DNM3: variants seen among roughly 807,000 people sequenced by gnomAD.
The protein encoded by DNM3 is dynamin 3.
In DNM3, 47 loss-of-function variants were observed where a neutral mutation model predicts 101.6. That is an observed-to-expected ratio of 0.46 (90% CI 0.37 to 0.59). The LOEUF (loss-of-function observed/expected upper bound fraction) is 0.59, where lower values mean the gene tolerates loss of function less well. Among genes scored for constraint, DNM3 ranks in the 20% least tolerant of loss-of-function variants. DNM3 has a pLI of 0.00. For synonymous variants in DNM3, 385 were observed against 387.9 expected (o/e 0.99, Z 0.09); for missense variants, 849 against 1,085.7 (o/e 0.78, Z 3.06).
intron 14 of DNM3, among the ~76,000 whole-genome samples, chr1:172,244,490 A>T (rs2061872824): frequency 1.3e-5 from 2 of 151,280 alleles, no homozygotes. Flanking sequence ...TCTACAATGA[A>T]CTCAAACAAA....
intron 12 of DNM3, among the ~76,000 whole-genome samples, chr1:172,091,905 T>G (rs1044855544): frequency 6.6e-6 from 1 of 152,034 alleles, no homozygotes; most frequent in African/African-American, 2.4e-5. Flanking sequence ...GTGGGACCAA[T>G]GGAAGTGATG....
intron 14 of DNM3, among the ~76,000 whole-genome samples, chr1:172,195,082 G>A (rs1479483838): frequency 6.6e-6 from 1 of 151,992 alleles, no homozygotes; most frequent in Non-Finnish European, 1.5e-5. Context: ...CTGAGCATTT[G>A]TTTGTCTGTA....
chr1:171,926,567 A>G lies in DNM3; in HGVS notation c.235+4746A>G, dbSNP rs187796267. On this transcript the variant is annotated intron_variant, in intron 2 of 20. Transcript: ENST00000627582. The stretch of plus-strand genomic sequence containing the variant: ...ATTTTGGGACTCTCAGTTCTTTTCG[A>G]CTGATATTTATGTCTATCCTTGGGC... Among the ~76,000 whole-genome samples, 326 of 152,222 alleles carry G rather than the reference A, an allele frequency of 2.1e-3. 2 individuals are homozygous for G. Among genetic ancestry groups the G allele is most frequent in the East Asian group, 4.8e-3 (25 of 5,176 alleles).
intron 11 of DNM3, among the ~76,000 whole-genome samples, chr1:172,076,304 T>C (rs993293824): frequency 7.9e-5 from 12 of 152,324 alleles, no homozygotes; most frequent in East Asian, 1.9e-4. Flanking sequence ...GAATATCCTT[T>C]ATTTCTTTCT....
At chr1:172,100,645 T>A (rs2054572195) in intron 13 of DNM3, among the ~76,000 whole-genome samples, 1 of 152,116 alleles carries the variant, frequency 6.6e-6, no homozygotes, top group African/African-American at 2.4e-5. Flanking sequence ...CAGTTAGGAT[T>A]TTTTCAGATG....
chr1:172,300,335 G>A (rs2064381548), intron 15 of DNM3, among the ~76,000 whole-genome samples: 1 of 152,034 alleles, frequency 6.6e-6, no homozygotes, highest in Non-Finnish European at 1.5e-5. Flanking sequence ...CGTTCTGTAG[G>A]TTGTCTGTTT....
intron 14 of DNM3, among the ~76,000 whole-genome samples, chr1:172,149,437 C>G (rs924537258): frequency 2.6e-5 from 4 of 152,256 alleles, no homozygotes; most frequent in African/African-American, 9.6e-5. Flanking sequence ...ATTGGAAGCA[C>G]TGTCTTGAAA....
At chr1:172,239,412 A>G (rs2061660729) in intron 14 of DNM3, among the ~76,000 whole-genome samples, 1 of 152,202 alleles carries the variant, frequency 6.6e-6, no homozygotes, top group Non-Finnish European at 1.5e-5. Flanking sequence ...GTCCCTGAAT[A>G]CACGGTCATC....
chr1:172,285,519 CA>C (rs2063664585), intron 15 of DNM3, among the ~76,000 whole-genome samples: 1 of 152,166 alleles, frequency 6.6e-6, no homozygotes, highest in Non-Finnish European at 1.5e-5. Context: ...ACCCTATCCG[CA>C]AAGGCCCAAA....
At chr1:171,923,950 C>T (rs1185024775) in intron 2 of DNM3, among the ~76,000 whole-genome samples, 2 of 152,034 alleles carry the variant, frequency 1.3e-5, no homozygotes, top group Admixed American at 1.3e-4. Flanking sequence ...TTTCCTATTT[C>T]TGTTATTTCT....
At chr1:172,318,775 G>A (rs57672185) in intron 16 of DNM3, among the ~76,000 whole-genome samples, 11,144 of 152,132 alleles carry the variant, frequency 0.073, 471 homozygotes, top group African/African-American at 0.1. Context: ...ATGCTCATGG[G>A]TGGGAAGAAT....
rs1184143326 is a variant in DNM3 at position 171,841,511 on chromosome 1, G to C, written c.-146G>C. 6.0e-6 allele frequency: 7 copies of C among 1,163,166 alleles called. No individual in the cohort carries two copies. The highest frequency in any genetic ancestry group is 8.0e-6 in the Non-Finnish European group (7 of 870,020). 72.1% of individuals were successfully genotyped at this position (1,163,166 alleles called of 1,614,324 possible). A position where few individuals can be genotyped will look rare whatever the true frequency, so the allele number is the denominator to read the frequency against. On this transcript the variant is annotated 5_prime_UTR_variant, in exon 1 of 21. Coordinates refer to ENST00000627582, the MANE Select transcript of DNM3 (RefSeq NM_015569.5). ...TCGTTAGCTGTCAGAGCCAAGCGGC[G>C]GGCTGGCGGCGGGCTCCGACGTCTG...
At position 172,322,856 on chromosome 1, in the gene DNM3, G is replaced by C. The variant is rs574177058; in HGVS notation, c.1882-473G>C. ...TTTTTCCACCTTCTTTGAAACCAAG[G>C]ATGCAGTGTTTGTTTAAAAATGCAC... On this transcript the variant is annotated intron_variant, in intron 16 of 20. Transcript: ENST00000627582. Among the ~76,000 whole-genome samples, 3 of 151,354 alleles carry C rather than the reference G, an allele frequency of 2.0e-5. No homozygotes were observed. The South Asian group carries it at 6.3e-4, about 32-fold the overall frequency.
At chr1:171,880,150 T>C (rs909942202) in intron 1 of DNM3, among the ~76,000 whole-genome samples, 1 of 152,252 alleles carries the variant, frequency 6.6e-6, no homozygotes, top group Admixed American at 6.5e-5. Context: ...ACAGATGCTT[T>C]TGTGTTATTT....
chr1:172,113,371 A>G lies in DNM3; in HGVS notation c.1546-17804A>G, dbSNP rs112561745. 9.9e-3 allele frequency among the ~76,000 whole-genome samples: 1,507 copies of G among 151,978 alleles called. 29 individuals carry two copies. The highest frequency in any genetic ancestry group is 0.034 in the African/African-American group (1,424 of 41,346). On this transcript the variant is annotated intron_variant, in intron 13 of 20. Coordinates refer to ENST00000627582, the MANE Select transcript of DNM3 (RefSeq NM_015569.5). Reference sequence around the variant, plus strand: ...TCTGCCACTCCCCCACTTTTTTACAATTGAGGAACAGATGTACTCAAAGAA... The same window carrying G: ...TCTGCCACTCCCCCACTTTTTTACAGTTGAGGAACAGATGTACTCAAAGAA...
rs149174357 is a variant in DNM3, at chr1:172,231,644, G to A, written c.1660-21929G>A. Among the ~76,000 whole-genome samples, 1,386 of 152,152 alleles carry A rather than the reference G, an allele frequency of 9.1e-3. 16 individuals are homozygous for A. Among genetic ancestry groups the A allele is most frequent in the African/African-American group, 0.032 (1,320 of 41,504 alleles). On this transcript the variant is annotated intron_variant, in intron 14 of 20. Coordinates refer to ENST00000627582, the MANE Select transcript of DNM3 (RefSeq NM_015569.5). The stretch of plus-strand genomic sequence containing the variant: ...GAAGGCTTCAGATGATCAAACTTCT[G>A]CGAGCTAAAGGAGGAAGTTCGAACC...
chr1:172,343,791 C>T (rs536857639), intron 17 of DNM3, among the ~76,000 whole-genome samples: 4 of 152,270 alleles, frequency 2.6e-5, no homozygotes, highest in Non-Finnish European at 4.4e-5. Context: ...AGAGAATAAT[C>T]GTGTTCAGAA....
chr1:172,227,407 T>C (rs983641615), intron 14 of DNM3, among the ~76,000 whole-genome samples: 1 of 151,474 alleles, frequency 6.6e-6, no homozygotes, highest in African/African-American at 2.4e-5. Context: ...TGCAAGTGTC[T>C]TTTTGATACA....
intron 17 of DNM3, among the ~76,000 whole-genome samples, chr1:172,338,461 A>G (rs551725130): frequency 6.6e-6 from 1 of 152,184 alleles, no homozygotes; most frequent in Non-Finnish European, 1.5e-5. Context: ...TTCGAATCAC[A>G]TCCTTCCCAA....
Sources: allele counts gnomAD v4.1 joint callset (sites outside exome capture counted in the v4.1 genomes callset), GRCh38; gene constraint gnomAD v4.1.1; transcripts MANE v1.5; gene names NCBI Gene and HGNC (gene_info 2026-07-23, HGNC 2026-07-21).